Variants in ABCA1 observed in about 807,000 individuals in gnomAD.
ABCA1 encodes phospholipid-transporting ATPase ABCA1.
ABCA1 carries 133 observed loss-of-function variants against 262.5 expected under a neutral mutation model. That is an observed-to-expected ratio of 0.51 (90% CI 0.44 to 0.59). ABCA1 has a LOEUF of 0.59. Among genes scored for constraint, ABCA1 ranks in the 20% least tolerant of loss-of-function variants. ABCA1 has a pLI of 0.00. For missense variants in ABCA1, 2,452 were observed against 2,777.5 expected (o/e 0.88, Z 2.63); for synonymous variants, 1,022 against 1,043.5 (o/e 0.98, Z 0.40).
intron 5 of ABCA1, among the ~76,000 whole-genome samples, chr9:104,864,293 C>G (rs1037762711): frequency 6.6e-6 from 1 of 152,108 alleles, no homozygotes; most frequent in African/African-American, 2.4e-5. Context: ...GATGTCAGGA[C>G]CATCCCCAGG....
chr9:104,842,781 G>A (rs761787149), intron 8 of ABCA1, among the ~76,000 whole-genome samples: 1 of 152,080 alleles, frequency 6.6e-6, no homozygotes, highest in Non-Finnish European at 1.5e-5. Context: ...CAACCAGAGT[G>A]TAAACAGTCT....
At chr9:104,818,169 T>TAAAA in intron 23 of ABCA1, among the ~76,000 whole-genome samples, 1 of 145,466 alleles carries the variant, frequency 6.9e-6, no homozygotes, top group Non-Finnish European at 1.5e-5. Flanking sequence ...TGATAGAGGT[T>TAAAA]AAAAAAAAAA....
chr9:104,874,763 G>A (rs1413909537), intron 5 of ABCA1, among the ~76,000 whole-genome samples: 4 of 139,858 alleles, frequency 2.9e-5, no homozygotes, highest in Admixed American at 6.9e-5. Context: ...CAGCCGCCCC[G>A]TCCGGGAGGG....
In ABCA1 at chr9:104,837,551, A is replaced by C; in HGVS notation, c.1071T>G (p.Asp357Glu). The C allele has an allele frequency of 6.2e-7, 1 of 1,614,066 alleles. No homozygotes were observed. The highest frequency in any genetic ancestry group is 8.5e-7 in the Non-Finnish European group (1 of 1,179,988). ...YDNSTTPYCNDLMKNLESSPL... is the reference protein window; with the variant it reads ...YDNSTTPYCNELMKNLESSPL... ...GACTAGACTCCAAATTCTTCATCAA[A>C]TCATTGCAGTAAGGAGCTATGAAGA... Residue 357 changes from aspartate to glutamate, a missense_variant, in exon 10 of 50, where the codon GAT becomes GAG. Physicochemically the swap from Asp to Glu is conservative, Grantham distance 45 (BLOSUM62 2). Coordinates refer to ENST00000374736, the MANE Select transcript of ABCA1 (RefSeq NM_005502.4).
At chr9:104,806,108 A>G in intron 31 of ABCA1, 133 bp downstream of exon 31, 2 of 1,019,526 alleles carry the variant, frequency 2.0e-6, no homozygotes. Context: ...CCGCCTCAGA[A>G]AAAAAAACAA....
chr9:104,787,727 C>T, intron 46 of ABCA1, 193 bp downstream of exon 46: 1 of 554,060 alleles, frequency 1.8e-6, no homozygotes, highest in Non-Finnish European at 2.3e-6. Context: ...TATTTGGGAG[C>T]ATCTGCAGGC....
At chr9:104,793,763 G>C (rs963585132) in intron 40 of ABCA1, among the ~76,000 whole-genome samples, 2 of 152,024 alleles carry the variant, frequency 1.3e-5, no homozygotes, top group South Asian at 2.1e-4. Context: ...CTAGTTCCAT[G>C]TAACCATTCC....
chr9:104,862,656 G>GCACCC, intron 5 of ABCA1, among the ~76,000 whole-genome samples: 175 of 1,938 alleles, frequency 0.09, 40 homozygotes, highest in African/African-American at 0.23. Context: ...GGCCGGGCCG[G>GCACCC]GCCGGGCCGG....
intron 2 of ABCA1, among the ~76,000 whole-genome samples, chr9:104,890,680 C>T (rs1464677076): frequency 1.3e-5 from 2 of 151,698 alleles, no homozygotes; most frequent in African/African-American, 2.4e-5. Flanking sequence ...CTCACTGGAA[C>T]GTCAAACTCT....
Position 104,784,454 on chromosome 9 carries a change from A to C in ABCA1, c.6647T>G (p.Val2216Gly). Residue 2216 changes from valine to glycine, a missense_variant and splice_region_variant, in exon 50 of 50, where the codon GTA (valine) becomes GGA (glycine). Val to Gly is a moderately radical substitution (Grantham distance 109, BLOSUM62 -3). This residue lies in a region of ABCA1 where 752 missense variants were observed against 944.5 expected (regional missense o/e 0.80). Coordinates refer to ENST00000374736, the MANE Select transcript of ABCA1 (RefSeq NM_005502.4). ...YSVSQTTLDQ[V>G]FVNFAKDQSD... ...TTGGTCCTTGGCAAAGTTCACAAAT[A>C]CCTGTTAAAAGATTAAGATGGACCT... 6.2e-7 allele frequency: 1 copy of C among 1,614,058 alleles called. No homozygotes were observed. The highest frequency in any genetic ancestry group is 8.5e-7 in the Non-Finnish European group (1 of 1,179,980).
At chr9:104,841,499 C>T (rs1486946166) in intron 8 of ABCA1, among the ~76,000 whole-genome samples, 3 of 152,114 alleles carry the variant, frequency 2.0e-5, no homozygotes, top group Admixed American at 1.3e-4. Flanking sequence ...CTATGTCCCT[C>T]GTCAGCTTAC....
chr9:104,785,044 G>A (rs911190850), intron 49 of ABCA1, among the ~76,000 whole-genome samples: 9 of 152,162 alleles, frequency 5.9e-5, no homozygotes, highest in African/African-American at 2.2e-4. Flanking sequence ...GAAGAGGGAA[G>A]AAAATATTTA....
chr9:104,907,741 G>A (rs1237419477), intron 1 of ABCA1, among the ~76,000 whole-genome samples: 2 of 152,210 alleles, frequency 1.3e-5, no homozygotes, highest in African/African-American at 4.8e-5. Context: ...TCCCATAACT[G>A]CCAGCTTTAG....
intron 29 of ABCA1, 59 bp from the exon 30 acceptor site, chr9:104,809,623 T>G (rs980119146): frequency 2.8e-6 from 4 of 1,431,434 alleles, no homozygotes; most frequent in African/African-American, 1.4e-5. Context: ...AATCGAGAGA[T>G]AAAAATGTTT....
At chr9:104,859,237 C>T (rs2119097183) in intron 6 of ABCA1, among the ~76,000 whole-genome samples, 1 of 152,326 alleles carries the variant, frequency 6.6e-6, no homozygotes, top group East Asian at 1.9e-4. Context: ...AGCAGAGTGC[C>T]AGAAAGCCAG....
rs149623807 is a variant in ABCA1 at position 104,882,083 on chromosome 9, C to T, written c.421+956G>A. Reference sequence around the variant, plus strand: ...CTCAAATCTGAGTCTGGTTTAAACTCTAGAACTTTATCATTTCTTCTTTTG... The same window carrying T: ...CTCAAATCTGAGTCTGGTTTAAACTTTAGAACTTTATCATTTCTTCTTTTG... On this transcript the variant is annotated intron_variant, in intron 5 of 49. Coordinates refer to ENST00000374736, the MANE Select transcript of ABCA1 (RefSeq NM_005502.4). Among the ~76,000 whole-genome samples, 883 of 133,336 alleles carry T rather than the reference C, an allele frequency of 6.6e-3. 7 individuals are homozygous for T. The highest frequency in any genetic ancestry group is 0.014 in the South Asian group (56 of 3,866). The allele number at this position is 133,336 out of a possible 152,430, so 87.5% of individuals were successfully genotyped here.
chr9:104,839,454 G>A (rs1207274027), intron 9 of ABCA1, among the ~76,000 whole-genome samples: 1 of 152,202 alleles, frequency 6.6e-6, no homozygotes, highest in Non-Finnish European at 1.5e-5. Context: ...GGGTTATCAT[G>A]AGGGTAAAAT....
At chr9:104,895,870 C>T (rs1054471097) in intron 2 of ABCA1, among the ~76,000 whole-genome samples, 1 of 152,124 alleles carries the variant, frequency 6.6e-6, no homozygotes, top group Admixed American at 6.5e-5. Flanking sequence ...GTTAGGGCAG[C>T]GCAAGGGCCA....
intron 2 of ABCA1, among the ~76,000 whole-genome samples, chr9:104,892,914 A>G (rs1450749691): frequency 1.3e-5 from 2 of 152,250 alleles, no homozygotes; most frequent in Non-Finnish European, 2.9e-5. Flanking sequence ...AAATGATTCA[A>G]TTATGGTACA....
Sources: allele counts gnomAD v4.1 joint callset (sites outside exome capture counted in the v4.1 genomes callset), GRCh38; gene constraint gnomAD v4.1.1; regional missense constraint gnomAD v4.1.1; transcripts MANE v1.5; gene names NCBI Gene and HGNC (gene_info 2026-07-23, HGNC 2026-07-21).